Variants in ELOVL5 observed in about 807,000 individuals in gnomAD.
ELOVL5 encodes the protein very long chain fatty acid elongase 5.
In ELOVL5, 8 loss-of-function variants were observed where a neutral mutation model predicts 38.6. The ratio of observed to expected loss-of-function variants is 0.21; its 90% CI spans 0.12 to 0.37. The LOEUF (loss-of-function observed/expected upper bound fraction) is 0.37. Ranked by LOEUF, ELOVL5 falls within the 10% of genes least tolerant of loss-of-function variation. The probability of loss-of-function intolerance (pLI) is 1.00; values close to 1 mark genes in which losing one functional copy is unlikely to be tolerated. For synonymous variants in ELOVL5, 127 were observed against 133.7 expected, an observed-to-expected ratio of 0.95 and a Z score of 0.34; for missense variants, 280 against 367.8, an observed-to-expected ratio of 0.76 and a Z score of 1.95.
chr6:53,305,426 C>T (rs1302549685), intron 1 of ELOVL5, among the ~76,000 whole-genome samples: 3 of 150,386 alleles, frequency 2.0e-5, no homozygotes, highest in South Asian at 2.1e-4. Flanking sequence ...CGGGCGGAGA[C>T]GCTCCTCACT....
At chr6:53,307,825 T>C (rs1281657006) in intron 1 of ELOVL5, among the ~76,000 whole-genome samples, 1 of 152,230 alleles carries the variant, frequency 6.6e-6, no homozygotes, top group Non-Finnish European at 1.5e-5. Flanking sequence ...GCCTTTTTTT[T>C]TGTACTCCTG....
At chr6:53,271,257 A>C (rs559337878) in intron 6 of ELOVL5, among the ~76,000 whole-genome samples, 1 of 152,266 alleles carries the variant, frequency 6.6e-6, no homozygotes, top group Non-Finnish European at 1.5e-5. Flanking sequence ...TGTTTTAAAA[A>C]GGGCTAGGCT....
Position 53,321,792 on chromosome 6 carries a change from A to G in ELOVL5, c.-8-26085T>C, listed in dbSNP as rs149485578. On this transcript the variant is annotated intron_variant, in intron 1 of 7. Transcript: ENST00000304434. The stretch of plus-strand genomic sequence containing the variant: ...GAATAAATAAACACTAAATATATAC[A>G]CTGAAAATTTGTGTAAAGAGCCATT... Among the ~76,000 whole-genome samples the G allele has an allele frequency of 3.8e-3, 584 of 152,340 alleles. 2 individuals carry two copies. The highest frequency in any genetic ancestry group is 0.012 in the African/African-American group (516 of 41,568).
chr6:53,280,303 C>A (rs1216958624), intron 3 of ELOVL5, among the ~76,000 whole-genome samples: 3 of 152,184 alleles, frequency 2.0e-5, no homozygotes, highest in Non-Finnish European at 2.9e-5. Flanking sequence ...ATTTTCCATA[C>A]CACTGCCAAC....
In ELOVL5 at chr6:53,268,970, C is replaced by T. The variant is rs976402410; in HGVS notation, c.*157G>A. On this transcript the variant is annotated 3_prime_UTR_variant, in exon 8 of 8. Transcript: ENST00000304434. ...TATCCCTACTTATATAATCTGTATA[C>T]GTTTTCTAGGGGTTTTGAATTGATG... 24 of 795,638 alleles carry T rather than the reference C, an allele frequency of 3.0e-5. No homozygotes were observed. The highest frequency in any genetic ancestry group is 5.2e-5 in the African/African-American group (3 of 57,826). The allele number at this position is 795,638 out of a possible 1,614,324, so 49.3% of individuals were successfully genotyped here.
At chr6:53,313,004 G>C (rs1377277352) in intron 1 of ELOVL5, among the ~76,000 whole-genome samples, 1 of 152,134 alleles carries the variant, frequency 6.6e-6, no homozygotes, top group African/African-American at 2.4e-5. Flanking sequence ...TTCTTATTCA[G>C]ACTACTCAGG....
At chr6:53,276,093 G>T in intron 4 of ELOVL5, 86 bp downstream of exon 4, 1 of 892,012 alleles carries the variant, frequency 1.1e-6, no homozygotes, top group Non-Finnish European at 1.8e-6. Context: ...TGGGCAGTGA[G>T]GTTATGGGCC....
chr6:53,275,384 G>A, intron 4 of ELOVL5, 123 bp from the exon 5 acceptor site: 1 of 942,770 alleles, frequency 1.1e-6, no homozygotes. Context: ...AGTGCCCCAA[G>A]AGCTCTTAAT....
chr6:53,287,817 G>T, intron 3 of ELOVL5: 1 of 1,493,378 alleles, frequency 6.7e-7, no homozygotes, highest in Non-Finnish European at 9.0e-7. Flanking sequence ...TTTCAACACA[G>T]TGTTCCTGGG....
At chr6:53,291,743 G>A in intron 3 of ELOVL5, 33 bp downstream of exon 3, 2 of 1,537,556 alleles carry the variant, frequency 1.3e-6, no homozygotes, top group Non-Finnish European at 8.8e-7. Flanking sequence ...GTGCATTTAT[G>A]TGAAAGGAAG....
chr6:53,334,988 C>G (rs1247037211), intron 1 of ELOVL5, among the ~76,000 whole-genome samples: 2 of 152,224 alleles, frequency 1.3e-5, no homozygotes, highest in Non-Finnish European at 2.9e-5. Context: ...TGCTCCACAG[C>G]TAGCTGTGTG....
chr6:53,330,035 T>C (rs925110428), intron 1 of ELOVL5, among the ~76,000 whole-genome samples: 1 of 152,172 alleles, frequency 6.6e-6, no homozygotes, highest in Non-Finnish European at 1.5e-5. Flanking sequence ...CACTTAACAA[T>C]GGCAATACAT....
intron 1 of ELOVL5, among the ~76,000 whole-genome samples, chr6:53,333,767 T>C (rs1346499333): frequency 6.6e-6 from 1 of 152,248 alleles, no homozygotes; most frequent in African/African-American, 2.4e-5. Context: ...GTGTGGTTTA[T>C]GGAAGTCATT....
At chr6:53,337,177 A>C (rs1282956317) in intron 1 of ELOVL5, 2 of 152,396 alleles carry the variant, frequency 1.3e-5, no homozygotes, top group Non-Finnish European at 2.9e-5. Context: ...CATTCCAGCA[A>C]GCTGTTCCTT....
intron 1 of ELOVL5, among the ~76,000 whole-genome samples, chr6:53,305,592 C>T (rs1767493263): frequency 6.6e-6 from 1 of 151,508 alleles, no homozygotes; most frequent in South Asian, 2.1e-4. Context: ...GCGCTCCCCA[C>T]ATCTCAGACG....
At chr6:53,342,847 T>TACAGAA (rs1261303223) in intron 1 of ELOVL5, among the ~76,000 whole-genome samples, 5 of 152,210 alleles carry the variant, frequency 3.3e-5, no homozygotes, top group Non-Finnish European at 7.3e-5. Flanking sequence ...CACACAGAAC[T>TACAGAA]GGCAGAAGAG....
chr6:53,276,992 G>A (rs1186926828), intron 3 of ELOVL5: 1 of 148,030 alleles, frequency 6.8e-6, no homozygotes, highest in East Asian at 2.1e-4. Flanking sequence ...TGGGGTACAG[G>A]CTCTACATCA....
intron 4 of ELOVL5, 37 bp from the exon 5 acceptor site, chr6:53,275,298 C>T: frequency 6.3e-7 from 1 of 1,598,484 alleles, no homozygotes; most frequent in South Asian, 1.1e-5. Context: ...GGCTTATCCT[C>T]ACGGCTTCTC....
chr6:53,293,955 C>A, intron 2 of ELOVL5: 1 of 403,970 alleles, frequency 2.5e-6, no homozygotes, highest in East Asian at 7.3e-5. Flanking sequence ...GGATGCTTAA[C>A]ACCTTTTGTT....
Sources: allele counts gnomAD v4.1 joint callset (sites outside exome capture counted in the v4.1 genomes callset), GRCh38; gene constraint gnomAD v4.1.1; transcripts MANE v1.5; gene names NCBI Gene and HGNC (gene_info 2026-07-23, HGNC 2026-07-21).